The following PLIN3 variants were observed in gnomAD, a reference collection of about 807,000 sequenced individuals.
PLIN3 encodes perilipin-3.
A neutral mutation model predicts 35.9 loss-of-function variants in PLIN3; 30 were observed. That is an observed-to-expected ratio of 0.84 (90% CI 0.62 to 1.13). PLIN3 has a LOEUF of 1.13. PLIN3 is among the 50% of genes most tolerant of loss of function. The pLI is 0.00. For synonymous variants in PLIN3, 261 were observed against 262.5 expected (o/e 0.99, Z 0.06); for missense variants, 603 against 596.9 (o/e 1.01, Z -0.11).
At chr19:4,858,091 G>A (rs932821386) in intron 4 of PLIN3, among the ~76,000 whole-genome samples, 4 of 151,632 alleles carry the variant, frequency 2.6e-5, no homozygotes, top group Admixed American at 6.6e-5. Context: ...TGGCCAACTT[G>A]GTGAAACCCC....
intron 7 of PLIN3, among the ~76,000 whole-genome samples, chr19:4,840,612 A>G (rs2029877862): frequency 6.6e-6 from 1 of 152,198 alleles, no homozygotes; most frequent in African/African-American, 2.4e-5. Context: ...GGGAGAGCAC[A>G]TGAAAAGCTG....
chr19:4,839,106 A>G lies in PLIN3; in HGVS notation c.*86T>C. The G allele has an allele frequency of 4.4e-6, 5 of 1,130,230 alleles. No homozygotes were observed. The highest frequency in any genetic ancestry group is 3.0e-5 in the South Asian group (2 of 66,100). 70.0% of individuals were successfully genotyped at this position (1,130,230 alleles called of 1,614,324 possible). ...AAGAGCTGGGAGGAGTGGCTAGAAA[A>G]TAAGTTTGAAATGAGCCCCGGGTTG... On this transcript the variant is annotated 3_prime_UTR_variant, in exon 8 of 8. Transcript: ENST00000221957.
chr19:4,857,390 T>C (rs1187613254), intron 4 of PLIN3, among the ~76,000 whole-genome samples: 3 of 151,180 alleles, frequency 2.0e-5, no homozygotes, highest in African/African-American at 7.3e-5. Context: ...GGCAACATGG[T>C]GAAAACTCGT....
At chr19:4,852,337 C>T (rs764229127) in intron 4 of PLIN3, 36 bp from the exon 5 acceptor site, 93 of 1,583,978 alleles carry the variant, frequency 5.9e-5, no homozygotes, top group Non-Finnish European at 7.5e-5. Flanking sequence ...CTCTGCCTTC[C>T]CTCCATATCT....
chr19:4,859,996 A>G lies in PLIN3; in HGVS notation c.95T>C (p.Met32Thr). 6.2e-7 allele frequency: 1 copy of G among 1,614,106 alleles called. No homozygotes were observed. Among genetic ancestry groups the G allele is most frequent in the Non-Finnish European group, 8.5e-7 (1 of 1,180,028 alleles). Residue 32 changes from methionine to threonine, a missense_variant, in exon 3 of 8, where the codon ATG (methionine) becomes ACG (threonine). Coordinates refer to ENST00000221957, the MANE Select transcript of PLIN3 (RefSeq NM_005817.5). ...QPSVVDRVASMPLISSTCDMV... is the reference protein window; with the variant it reads ...QPSVVDRVASTPLISSTCDMV... ...GTCGCAGGTGGAGCTGATCAGAGGC[A>G]TGCTGGCCACACGGTCCACCACACT...
chr19:4,851,981 G>A (rs2146205539), intron 5 of PLIN3, 35 bp downstream of exon 5: 19 of 1,592,062 alleles, frequency 1.2e-5, no homozygotes, highest in Non-Finnish European at 1.6e-5. Flanking sequence ...GGGGCCTGGG[G>A]AGGGGTCCCA....
At chr19:4,843,102 A>G (rs1290267947) in intron 7 of PLIN3, among the ~76,000 whole-genome samples, 9 of 152,028 alleles carry the variant, frequency 5.9e-5, no homozygotes, top group Admixed American at 1.3e-4. Context: ...CATGCCTGTA[A>G]TCCCATCTAC....
At chr19:4,857,178 C>G (rs1228277596) in intron 4 of PLIN3, among the ~76,000 whole-genome samples, 1 of 152,090 alleles carries the variant, frequency 6.6e-6, no homozygotes, top group East Asian at 1.9e-4. Flanking sequence ...TGGCACACTC[C>G]TATAATTCTA....
At chr19:4,862,504 C>T (rs1301348723) in intron 1 of PLIN3, among the ~76,000 whole-genome samples, 1 of 152,026 alleles carries the variant, frequency 6.6e-6, no homozygotes, top group East Asian at 1.9e-4. Flanking sequence ...CCTTGGACTC[C>T]CAAAGTTCTG....
At chr19:4,863,621 C>A (rs958902913) in intron 1 of PLIN3, among the ~76,000 whole-genome samples, 1 of 151,572 alleles carries the variant, frequency 6.6e-6, no homozygotes, top group Admixed American at 6.6e-5. Flanking sequence ...GAGGTGGAGA[C>A]CAGCCTGGCC....
At chr19:4,850,450 T>C (rs371620476) in intron 5 of PLIN3, among the ~76,000 whole-genome samples, 11 of 151,704 alleles carry the variant, frequency 7.3e-5, no homozygotes, top group African/African-American at 2.7e-4. Context: ...AGACGGCGTC[T>C]AGCTCTATTG....
At chr19:4,861,457 T>G (rs771331436) in intron 1 of PLIN3, 46 bp from the exon 2 acceptor site, 1 of 1,421,230 alleles carries the variant, frequency 7.0e-7, no homozygotes, top group Admixed American at 1.7e-5. Context: ...GGCCCCACCT[T>G]CCAGGAGAAA....
rs535777895 is a variant in PLIN3 at position 4,857,835 on chromosome 19, G to C, written c.348+1755C>G. ...TACTAAAAATACAAAAATTGGCCAG[G>C]TGTGGTGGCACATGTCTGTAATCCC... On this transcript the variant is annotated intron_variant, in intron 4 of 7. Transcript: ENST00000221957. Among the ~76,000 whole-genome samples the C allele has an allele frequency of 2.0e-5, 3 of 152,126 alleles. No homozygotes were observed. In the South Asian group the frequency reaches 6.2e-4, roughly 32 times the overall value.
At chr19:4,851,276 C>A (rs1202130612) in intron 5 of PLIN3, among the ~76,000 whole-genome samples, 4 of 151,992 alleles carry the variant, frequency 2.6e-5, no homozygotes, top group Non-Finnish European at 5.9e-5. Context: ...ACCAGCCTGG[C>A]CAACATAGTG....
intron 7 of PLIN3, 113 bp downstream of exon 7, chr19:4,844,552 AAGC>A: frequency 8.7e-7 from 1 of 1,150,930 alleles, no homozygotes; most frequent in South Asian, 1.9e-5. Flanking sequence ...TAGCTTCCAA[AAGC>A]AGGTGAGGCT....
intron 5 of PLIN3, among the ~76,000 whole-genome samples, chr19:4,850,313 G>A (rs1386168826): frequency 2.7e-5 from 4 of 150,630 alleles, no homozygotes; most frequent in Admixed American, 6.7e-5. Context: ...GTCTCACTCT[G>A]TCGCCCAGGC....
intron 2 of PLIN3, 102 bp from the exon 3 acceptor site, chr19:4,860,126 GA>G: frequency 1.0e-6 from 1 of 977,150 alleles, no homozygotes; most frequent in Non-Finnish European, 1.6e-6. Context: ...CCTGGCCAGT[GA>G]AACGGCTCAG....
chr19:4,844,726 C>T lies in PLIN3; in HGVS notation c.902G>A (p.Trp301Ter). 1.2e-6 allele frequency: 2 copies of T among 1,607,086 alleles called. No individual in the cohort carries two copies. The highest frequency in any genetic ancestry group is 2.2e-5 in the South Asian group (2 of 89,588). The change falls in exon 7 of 8, where the codon TGG becomes TAG. Residue 301 changes from tryptophan to a stop codon, truncating the protein, a stop_gained. Coordinates refer to ENST00000221957, the MANE Select transcript of PLIN3 (RefSeq NM_005817.5). LOFTEE classifies it high-confidence loss of function. ...GAGCTGCTTCTGGTTCCAGCTGAGC[C>T]ACATCTGGTGCAGCTTCTCCTGGCC... ...VEGQEKLHQM[W>*]LSWNQKQLQG... is the part of the protein sequence containing the mutation.
In PLIN3 at chr19:4,840,256, G is replaced by A. The variant is rs947259264; in HGVS notation, c.961-720C>T. Among the ~76,000 whole-genome samples the A allele has an allele frequency of 9.9e-5, 15 of 151,924 alleles. 1 individual carries two copies. In the East Asian group the frequency reaches 2.3e-3, roughly 24 times the overall value. On this transcript the variant is annotated intron_variant, in intron 7 of 7. Coordinates refer to ENST00000221957, the MANE Select transcript of PLIN3 (RefSeq NM_005817.5). ...ACTGAGATTACAGGCATGAACCACC[G>A]CGCCCAGACTCTTTTCTTTTAATTA...
Sources: allele counts gnomAD v4.1 joint callset (sites outside exome capture counted in the v4.1 genomes callset), GRCh38; gene constraint gnomAD v4.1.1; transcripts MANE v1.5; gene names NCBI Gene and HGNC (gene_info 2026-07-23, HGNC 2026-07-21).